The following EIF3B variants were observed in gnomAD, a reference collection of about 807,000 sequenced individuals.
EIF3B encodes the protein eukaryotic translation initiation factor 3 subunit B.
In EIF3B, 10 loss-of-function variants were observed where a neutral mutation model predicts 104.6. The observed-to-expected ratio is 0.10, with a 90% CI of 0.06 to 0.16. The LOEUF (loss-of-function observed/expected upper bound fraction) is 0.16. Ranked by LOEUF, EIF3B falls within the 10% of genes least tolerant of loss-of-function variation. The pLI is 1.00. For synonymous variants in EIF3B, 542 were observed against 417.2 expected, an observed-to-expected ratio of 1.30 and a Z score of -3.65; for missense variants, 1,014 against 1,087.9, an observed-to-expected ratio of 0.93 and a Z score of 0.96.
rs148785184 is a variant in EIF3B at position 2,363,089 on chromosome 7, G to A, written c.832G>A (p.Glu278Lys). ...DFDKYMTISD[E>K]WDIPEKQPFK... ...CTCCAGGTATATGACGATCAGTGACGAGTGGGATATTCCAGAGAAACAGCC... is the reference window on the plus strand; with the variant it reads ...CTCCAGGTATATGACGATCAGTGACAAGTGGGATATTCCAGAGAAACAGCC... Residue 278 changes from glutamate (E) to lysine (K), a missense_variant, in exon 4 of 19, where the codon GAG (glutamate) becomes AAG (lysine). Physicochemically the swap from Glu to Lys is moderately conservative, Grantham distance 56. Around this residue, in one of 4 missense-constraint regions of EIF3B, gnomAD observed 488 missense variants for 404.3 expected, o/e 1.21. Coordinates refer to ENST00000360876, the MANE Select transcript of EIF3B (RefSeq NM_001037283.2). The A allele has an allele frequency of 9.8e-5, 158 of 1,613,968 alleles. No homozygotes were observed. Among genetic ancestry groups the A allele is most frequent in the Non-Finnish European group, 1.2e-4 (145 of 1,180,026 alleles).
At position 2,362,263 on chromosome 7, in the gene EIF3B, A is replaced by AT. The variant is rs534695652; in HGVS notation, c.693-373dup. Among the ~76,000 whole-genome samples the AT allele has an allele frequency of 1.3e-3, 191 of 151,898 alleles. 3 individuals carry two copies. In the South Asian group the frequency reaches 0.02, roughly 16 times the overall value. On this transcript the variant is annotated intron_variant, in intron 2 of 18. Coordinates refer to ENST00000360876, the MANE Select transcript of EIF3B (RefSeq NM_001037283.2). ...GTGTGAACCATTGCGCCCAGCCAAG[A>AT]TTTTTTTTTAAACAGCTTTATTGAG...
At chr7:2,364,769 C>G (rs1779252890) in intron 6 of EIF3B, among the ~76,000 whole-genome samples, 1 of 152,160 alleles carries the variant, frequency 6.6e-6, no homozygotes, top group African/African-American at 2.4e-5. Context: ...TCCCTTTAGC[C>G]CTGAATGTGT....
rs140860114 is a variant in EIF3B, at chr7:2,367,430, G to A, written c.1403+385G>A. On this transcript the variant is annotated intron_variant, in intron 9 of 18. Coordinates refer to ENST00000360876, the MANE Select transcript of EIF3B (RefSeq NM_001037283.2). ...CTGGGGGACACAGACGTGGTCCATT[G>A]CAGTTGGTTTCCTTTATTTGCTGTC... 6.8e-3 allele frequency among the ~76,000 whole-genome samples: 1,026 copies of A among 150,526 alleles called. 10 individuals carry two copies. Among genetic ancestry groups the A allele is most frequent in the African/African-American group, 0.024 (984 of 41,148 alleles).
At chr7:2,379,059 G>C in intron 16 of EIF3B, 75 bp from the exon 17 acceptor site, 3 of 1,297,246 alleles carry the variant, frequency 2.3e-6, no homozygotes, top group Non-Finnish European at 3.3e-6. Context: ...GGCACCGTCC[G>C]CCTGGGTGTG....
intron 4 of EIF3B, 40 bp from the exon 5 acceptor site, chr7:2,363,592 A>C (rs762797303): frequency 1.3e-6 from 2 of 1,561,644 alleles, no homozygotes; most frequent in Non-Finnish European, 1.7e-6. Flanking sequence ...TTTTTTATTA[A>C]AATTAATGAA....
intron 15 of EIF3B, 101 bp downstream of exon 15, chr7:2,377,176 A>AT: frequency 6.9e-7 from 1 of 1,439,414 alleles, no homozygotes; most frequent in East Asian, 2.4e-5. Context: ...TGACTGGGGG[A>AT]TAAAAACGTG....
Position 2,380,338 on chromosome 7 carries a change from T to C in EIF3B, c.*149T>C, listed in dbSNP as rs746281578. The C allele has an allele frequency of 6.2e-5, 32 of 518,476 alleles. No individual in the cohort carries two copies. Among genetic ancestry groups the C allele is most frequent in the Non-Finnish European group, 1.2e-4 (30 of 259,684 alleles). The allele number at this position is 518,476 out of a possible 1,614,324, so 32.1% of individuals were successfully genotyped here. A position where few individuals can be genotyped will look rare whatever the true frequency, so the allele number is the denominator to read the frequency against. On this transcript the variant is annotated 3_prime_UTR_variant, in exon 19 of 19. Transcript: ENST00000360876. ...TGCAGGAAGCCGCGTGACTCCCGCCTCCTCCCTGTGCTCTCTGGCTCTGGA... is the reference window on the plus strand; with the variant it reads ...TGCAGGAAGCCGCGTGACTCCCGCCCCCTCCCTGTGCTCTCTGGCTCTGGA...
chr7:2,363,546 C>G (rs879341629), intron 4 of EIF3B, 86 bp from the exon 5 acceptor site: 1 of 1,259,914 alleles, frequency 7.9e-7, no homozygotes, highest in African/African-American at 1.5e-5. Flanking sequence ...GTGGACTGAA[C>G]TTGTCATATC....
intron 15 of EIF3B, among the ~76,000 whole-genome samples, chr7:2,377,610 GCGCGAGC>G (rs1780717418): frequency 1.8e-5 from 2 of 110,880 alleles, no homozygotes; most frequent in Non-Finnish European, 3.4e-5. Context: ...GAAGGAGCAG[GCGCGAGC>G]TCTCCTGGGA....
intron 14 of EIF3B, 37 bp from the exon 15 acceptor site, chr7:2,376,913 C>T (rs1562491746): frequency 1.3e-6 from 2 of 1,594,082 alleles, no homozygotes; most frequent in African/African-American, 2.7e-5. Flanking sequence ...GGCTCTCTGA[C>T]CCCTCTGTGT....
At chr7:2,372,027 C>A (rs1161091828) in intron 11 of EIF3B, 178 bp downstream of exon 11, 4 of 593,676 alleles carry the variant, frequency 6.7e-6, no homozygotes, top group Non-Finnish European at 1.2e-5. Flanking sequence ...CATAGTGAGA[C>A]CCTCTCTGTA....
At chr7:2,356,209 A>C (rs1321916010) in intron 1 of EIF3B, among the ~76,000 whole-genome samples, 2 of 152,206 alleles carry the variant, frequency 1.3e-5, no homozygotes, top group East Asian at 3.8e-4. Flanking sequence ...CTAAGTTGAT[A>C]CTAGAGTGAG....
In EIF3B at chr7:2,379,426, G is replaced by T; in HGVS notation, c.2374G>T (p.Asp792Tyr). 1 of 1,593,856 alleles carries T rather than the reference G, an allele frequency of 6.3e-7. No individual in the cohort carries two copies. The highest frequency in any genetic ancestry group is 8.5e-7 in the Non-Finnish European group (1 of 1,170,018). Reference protein sequence around the residue: ...VDTDELDSNVDDWEEETIEFF... With the variant: ...VDTDELDSNVYDWEEETIEFF... Reference sequence around the variant, plus strand: ...CACTGACGAGCTGGACAGCAACGTGGACGACTGGGAAGAGGAGACCATTGA... The same window carrying T: ...CACTGACGAGCTGGACAGCAACGTGTACGACTGGGAAGAGGAGACCATTGA... Residue 792 changes from aspartate (D) to tyrosine (Y), a missense_variant, in exon 18 of 19, where the codon GAC (aspartate) becomes TAC (tyrosine). Around this residue, in one of 4 missense-constraint regions of EIF3B, gnomAD observed 266 missense variants for 324.0 expected, o/e 0.82. Transcript: ENST00000360876.
rs548737680 is a variant in EIF3B, at chr7:2,380,075, C to T, written c.*15-129C>T. ...ACCATGAGCGAGTAGGGGTGGCACA[C>T]GGGCTCAGCTCTCTGTGGCCGGGGT... On this transcript the variant is annotated intron_variant, in intron 18 of 18. Coordinates refer to ENST00000360876, the MANE Select transcript of EIF3B (RefSeq NM_001037283.2). 54 of 301,462 alleles carry T rather than the reference C, an allele frequency of 1.8e-4. 1 individual carries two copies. The Admixed American group carries it at 2.3e-3, about 13-fold the overall frequency. The allele number at this position is 301,462 out of a possible 1,614,324, so 18.7% of individuals were successfully genotyped here.
rs2115264845 is a variant in EIF3B, at chr7:2,355,003, C to G, written c.82C>G (p.Pro28Ala). The change falls in exon 1 of 19, where the codon CCG (proline) becomes GCG (alanine). Residue 28 changes from proline (P) to alanine (A), a missense_variant. Coordinates refer to ENST00000360876, the MANE Select transcript of EIF3B (RefSeq NM_001037283.2). Reference protein sequence around the residue: ...EPGQQQPAAEPPPAEGLLRPA... With the variant: ...EPGQQQPAAEAPPAEGLLRPA... ...CGGCCAGCAGCAGCCGGCCGCCGAGCCGCCGCCAGCCGAGGGGCTGCTGCG... is the reference window on the plus strand; with the variant it reads ...CGGCCAGCAGCAGCCGGCCGCCGAGGCGCCGCCAGCCGAGGGGCTGCTGCG... The G allele has an allele frequency of 8.5e-7, 1 of 1,177,280 alleles. No homozygotes were observed. Among genetic ancestry groups the G allele is most frequent in the Non-Finnish European group, 1.0e-6 (1 of 956,568 alleles). The allele number at this position is 1,177,280 out of a possible 1,614,324, so 72.9% of individuals were successfully genotyped here.
Position 2,355,008 on chromosome 7 carries a change from G to C in EIF3B, c.87G>C (p.Pro29=). The C allele has an allele frequency of 8.5e-7, 1 of 1,183,254 alleles. No individual in the cohort carries two copies. Among genetic ancestry groups the C allele is most frequent in the Non-Finnish European group, 1.0e-6 (1 of 959,964 alleles). The allele number at this position is 1,183,254 out of a possible 1,614,324, so 73.3% of individuals were successfully genotyped here. Residue 29 remains proline (P), a synonymous_variant, in exon 1 of 19, where the codon CCG becomes CCC. Transcript: ENST00000360876. ...PGQQQPAAEP[P]PAEGLLRPAG... ...AGCAGCAGCCGGCCGCCGAGCCGCC[G>C]CCAGCCGAGGGGCTGCTGCGGCCCG...
intron 9 of EIF3B, 59 bp downstream of exon 9, chr7:2,367,104 A>G: frequency 6.5e-6 from 2 of 309,292 alleles, no homozygotes; most frequent in East Asian, 1.6e-4. Flanking sequence ...CACAATACCA[A>G]AAAAAAAAAA....
intron 15 of EIF3B, 64 bp downstream of exon 15, chr7:2,377,139 C>T (rs1780679115): frequency 1.3e-6 from 2 of 1,534,074 alleles, no homozygotes; most frequent in African/African-American, 1.4e-5. Context: ...GAAAAGGTGT[C>T]AGTTTTTTCT....
chr7:2,366,915 T>G, intron 8 of EIF3B, 84 bp from the exon 9 acceptor site: 2 of 1,427,208 alleles, frequency 1.4e-6, no homozygotes, highest in South Asian at 2.4e-5. Flanking sequence ...ATCAGACTCT[T>G]GTTTCCTTTT....
Sources: allele counts gnomAD v4.1 joint callset (sites outside exome capture counted in the v4.1 genomes callset), GRCh38; gene constraint gnomAD v4.1.1; regional missense constraint gnomAD v4.1.1; transcripts MANE v1.5; gene names NCBI Gene and HGNC (gene_info 2026-07-23, HGNC 2026-07-21).